Variants in PIP5K1C observed in about 807,000 individuals in gnomAD.
The protein encoded by PIP5K1C is phosphatidylinositol-4-phosphate 5-kinase type 1 gamma, also known as phosphatidylinositol 4-phosphate 5-kinase type-1 gamma.
A neutral mutation model predicts 80.1 loss-of-function variants in PIP5K1C; 45 were observed. The ratio of observed to expected loss-of-function variants is 0.56; its 90% CI spans 0.44 to 0.72. The LOEUF is 0.72. Ranked by LOEUF, PIP5K1C falls within the 30% of genes least tolerant of loss-of-function variation. PIP5K1C has a pLI of 0.00. For synonymous variants in PIP5K1C, 498 were observed against 420.1 expected, an observed-to-expected ratio of 1.19 and a Z score of -2.27; for missense variants, 753 against 954.6, an observed-to-expected ratio of 0.79 and a Z score of 2.78.
chr19:3,691,250 C>T (rs897007114), intron 1 of PIP5K1C, among the ~76,000 whole-genome samples: 1 of 152,198 alleles, frequency 6.6e-6, no homozygotes, highest in Non-Finnish European at 1.5e-5. Flanking sequence ...ACGCGTCCTC[C>T]GCTGCCGGAA....
At chr19:3,662,335 C>T (rs928629381) in intron 3 of PIP5K1C, among the ~76,000 whole-genome samples, 8 of 152,176 alleles carry the variant, frequency 5.3e-5, no homozygotes, top group Non-Finnish European at 7.4e-5. Context: ...GCAAAAGGGT[C>T]GATTCACTGT....
Position 3,647,403 on chromosome 19 carries a change from C to G in PIP5K1C, c.1212-17G>C. The G allele has an allele frequency of 6.4e-7, 1 of 1,573,734 alleles. No homozygotes were observed. On this transcript the variant is annotated splice_polypyrimidine_tract_variant and intron_variant, in intron 9 of 17. Coordinates refer to ENST00000335312, the MANE Select transcript of PIP5K1C (RefSeq NM_012398.3). The stretch of plus-strand genomic sequence containing the variant: ...TTGATGAACCTGTGGAGAGAGCACC[C>G]GGAGTGGCAGCTGACATCAGCCAAG...
chr19:3,658,777 C>T (rs1599994099), intron 5 of PIP5K1C, among the ~76,000 whole-genome samples: 3 of 152,210 alleles, frequency 2.0e-5, no homozygotes, highest in African/African-American at 4.8e-5. Flanking sequence ...CAAAGAACAC[C>T]GATGACAGGG....
At position 3,648,132 on chromosome 19, in the gene PIP5K1C, C is replaced by T. The variant is rs901426643; in HGVS notation, c.1211+493G>A. Among the ~76,000 whole-genome samples the T allele has an allele frequency of 6.6e-6, 1 of 152,130 alleles. No homozygotes were observed. Among genetic ancestry groups the T allele is most frequent in the African/African-American group, 2.4e-5 (1 of 41,424 alleles). On this transcript the variant is annotated intron_variant, in intron 9 of 17. Coordinates refer to ENST00000335312, the MANE Select transcript of PIP5K1C (RefSeq NM_012398.3). The surrounding 1 kb of genome is among the most constrained non-coding windows in gnomAD (Gnocchi z 4.3). ...CCCAGACTCCTGGGCCCAAGGAATCCTCCTGCCTCGGCCTCCCAAGTAGCT... is the reference window on the plus strand; with the variant it reads ...CCCAGACTCCTGGGCCCAAGGAATCTTCCTGCCTCGGCCTCCCAAGTAGCT...
chr19:3,689,499 A>G (rs1247589405), intron 1 of PIP5K1C, among the ~76,000 whole-genome samples: 3 of 151,984 alleles, frequency 2.0e-5, no homozygotes, highest in Non-Finnish European at 4.4e-5. Flanking sequence ...AAATACAAAA[A>G]TTAGCCGGGT....
chr19:3,678,607 G>A (rs1202931174), intron 1 of PIP5K1C, among the ~76,000 whole-genome samples: 9 of 132,920 alleles, frequency 6.8e-5, no homozygotes, highest in Non-Finnish European at 6.5e-5. Flanking sequence ...GGGATGGAGG[G>A]GTGGAAGGAG....
rs192407592 is a variant in PIP5K1C at position 3,693,181 on chromosome 19, G to A, written c.94+7116C>T. Among the ~76,000 whole-genome samples the A allele has an allele frequency of 4.6e-5, 7 of 152,276 alleles. No individual in the cohort carries two copies. The East Asian group carries it at 1.4e-3, about 29-fold the overall frequency. On this transcript the variant is annotated intron_variant, in intron 1 of 17. Coordinates refer to ENST00000335312, the MANE Select transcript of PIP5K1C (RefSeq NM_012398.3). The stretch of plus-strand genomic sequence containing the variant: ...CCACAGCACACGCAGGAAAGCACAC[G>A]TAGACGATGCCCGAACCACACCCCA...
chr19:3,637,485 C>T lies in PIP5K1C; in HGVS notation c.1920+1399G>A. The T allele has an allele frequency of 6.5e-7, 1 of 1,535,688 alleles. No homozygotes were observed. Among genetic ancestry groups the T allele is most frequent in the East Asian group, 2.4e-5 (1 of 40,886 alleles). On this transcript the variant is annotated intron_variant, in intron 16 of 17. Transcript: ENST00000335312. This position sits in a 1 kb window ranked among gnomAD's most constrained non-coding sequence, Gnocchi z 7.0. Reference sequence around the variant, plus strand: ...GCCGGGGACCTGCGGCTCCCTGCTGCCCGAGGGGCACTGCCCCTTCTCCCC... The same window carrying T: ...GCCGGGGACCTGCGGCTCCCTGCTGTCCGAGGGGCACTGCCCCTTCTCCCC...
chr19:3,683,047 TG>T lies in PIP5K1C; in HGVS notation c.95-15695del, dbSNP rs1306925290. 3.3e-5 allele frequency among the ~76,000 whole-genome samples: 5 copies of T among 149,540 alleles called. No individual in the cohort carries two copies. In the East Asian group the frequency reaches 1.0e-3, roughly 31 times the overall value. The stretch of plus-strand genomic sequence containing the variant: ...CCTCCGCACAGGCTGCGCCTCTGCC[TG>T]GAACTCTCTCTCCCACCCAACCTTG... On this transcript the variant is annotated intron_variant, in intron 1 of 17. Transcript: ENST00000335312.
intron 8 of PIP5K1C, chr19:3,650,103 G>GTA (rs2034381359): frequency 6.4e-6 from 1 of 156,142 alleles, no homozygotes; most frequent in Admixed American, 6.5e-5. Context: ...ACCCTGGTTG[G>GTA]GGCCCCGGCT....
intron 17 of PIP5K1C, 57 bp downstream of exon 17, chr19:3,633,380 C>G (rs1032750596): frequency 1.5e-6 from 2 of 1,336,042 alleles, no homozygotes; most frequent in Admixed American, 2.6e-5. Context: ...CTGGGGACCA[C>G]GCTCAGTAGA....
intron 1 of PIP5K1C, among the ~76,000 whole-genome samples, chr19:3,690,744 TAAAG>T (rs2035922621): frequency 6.6e-6 from 1 of 152,168 alleles, no homozygotes; most frequent in African/African-American, 2.4e-5. Context: ...CCATAACAAA[TAAAG>T]AGCTCCTACG....
intron 12 of PIP5K1C, among the ~76,000 whole-genome samples, chr19:3,643,626 T>C (rs1199270831): frequency 1.3e-5 from 2 of 150,730 alleles, no homozygotes; most frequent in African/African-American, 2.5e-5. Context: ...CCGTCCCCTC[T>C]CCACTCTCCC....
chr19:3,691,015 C>T (rs1415216227), intron 1 of PIP5K1C, among the ~76,000 whole-genome samples: 3 of 152,134 alleles, frequency 2.0e-5, no homozygotes, highest in East Asian at 3.9e-4. Flanking sequence ...CACAGGTGAC[C>T]GTCGGGAGGA....
intron 1 of PIP5K1C, among the ~76,000 whole-genome samples, chr19:3,673,375 G>C (rs2035269741): frequency 6.6e-6 from 1 of 152,144 alleles, no homozygotes; most frequent in South Asian, 2.1e-4. Context: ...GGCACCACCT[G>C]ATACATGGCT....
chr19:3,670,398 G>A (rs866677995), intron 1 of PIP5K1C, among the ~76,000 whole-genome samples: 10 of 152,168 alleles, frequency 6.6e-5, no homozygotes, highest in South Asian at 2.1e-4. Flanking sequence ...CCAAGATGCC[G>A]TGTGGGGTGG....
intron 1 of PIP5K1C, among the ~76,000 whole-genome samples, chr19:3,691,595 C>A (rs73919313): frequency 1.3e-4 from 15 of 118,706 alleles, no homozygotes; most frequent in South Asian, 5.7e-4. Context: ...AGCCCATCTA[C>A]CCCGCCTGGC....
intron 6 of PIP5K1C, among the ~76,000 whole-genome samples, chr19:3,655,284 G>A (rs8113336): frequency 0.014 from 2,119 of 151,894 alleles, 54 homozygotes; most frequent in African/African-American, 0.049. Context: ...CAGGCGTGGT[G>A]GCGGGCGCCT....
rs560615335 is a variant in PIP5K1C at position 3,691,341 on chromosome 19, C to G, written c.94+8956G>C. On this transcript the variant is annotated intron_variant, in intron 1 of 17. Coordinates refer to ENST00000335312, the MANE Select transcript of PIP5K1C (RefSeq NM_012398.3). ...ACGACATCTTGGGGGCCTCGCTAAT[C>G]TGGGGATGACGGCCCCTTCCAGGGT... is the stretch of plus-strand genomic sequence containing the variant. Among the ~76,000 whole-genome samples the G allele has an allele frequency of 3.0e-4, 46 of 152,304 alleles. 1 individual carries two copies. The highest frequency in any genetic ancestry group is 1.0e-3 in the African/African-American group (43 of 41,562).
Sources: gnomAD v4.1 joint callset for allele counts (sites outside exome capture counted in the v4.1 genomes callset) on GRCh38, gnomAD v4.1.1 for gene constraint, Gnocchi (gnomAD v3.1) non-coding constraint, MANE v1.5 for transcripts, NCBI Gene and HGNC (gene_info 2026-07-23, HGNC 2026-07-21) for gene names.